SLC9A9: variants seen among roughly 807,000 people sequenced by gnomAD.
SLC9A9 encodes the protein sodium/hydrogen exchanger 9.
SLC9A9 carries 62 observed loss-of-function variants against 77.8 expected under a neutral mutation model. The ratio of observed to expected loss-of-function variants is 0.80; its 90% CI spans 0.65 to 0.98. SLC9A9 has a LOEUF of 0.98. Among genes scored for constraint, SLC9A9 ranks in the 50% least tolerant of loss-of-function variants. The pLI is 0.00. For synonymous variants in SLC9A9, 320 were observed against 283.5 expected (o/e 1.13, Z -1.29); for missense variants, 775 against 774.9 (o/e 1.00, Z 0.00).
intron 6 of SLC9A9, among the ~76,000 whole-genome samples, chr3:143,592,149 G>A (rs917102711): frequency 3.3e-5 from 5 of 152,212 alleles, no homozygotes; most frequent in African/African-American, 1.2e-4. Flanking sequence ...AGGAGGGAGT[G>A]TTCAAAAGCT....
At chr3:143,517,393 G>C (rs1334104015) in intron 9 of SLC9A9, 13 of 1,488,076 alleles carry the variant, frequency 8.7e-6, no homozygotes, top group Non-Finnish European at 1.2e-5. Context: ...CTGGAAAAGA[G>C]CCATACTGTG....
intron 14 of SLC9A9, among the ~76,000 whole-genome samples, chr3:143,305,108 A>G (rs2030720775): frequency 2.0e-5 from 3 of 152,310 alleles, no homozygotes; most frequent in South Asian, 2.1e-4. Context: ...CACAACTTCT[A>G]TATCAATATC....
chr3:143,483,246 G>A (rs76873055), intron 11 of SLC9A9, among the ~76,000 whole-genome samples: 2,226 of 152,302 alleles, frequency 0.015, 43 homozygotes, highest in East Asian at 0.12. Context: ...GAGAAATTCA[G>A]TGTGGACCCT....
intron 2 of SLC9A9, among the ~76,000 whole-genome samples, chr3:143,808,931 G>A (rs986372899): frequency 5.3e-5 from 8 of 152,252 alleles, no homozygotes; most frequent in South Asian, 2.1e-4. Flanking sequence ...AGCATTTGAA[G>A]AAACTGCCTA....
chr3:143,707,207 C>T (rs1274080033), intron 4 of SLC9A9, among the ~76,000 whole-genome samples: 1 of 152,098 alleles, frequency 6.6e-6, no homozygotes, highest in Admixed American at 6.6e-5. Flanking sequence ...CTGTAGTTCT[C>T]AGGACACTTA....
chr3:143,391,594 G>A (rs565511615), intron 12 of SLC9A9, among the ~76,000 whole-genome samples: 74 of 152,330 alleles, frequency 4.9e-4, no homozygotes, highest in African/African-American at 1.8e-3. Context: ...GAACAAAGCT[G>A]GATGGAAAAT....
chr3:143,793,194 A>G (rs2008272244), intron 4 of SLC9A9, among the ~76,000 whole-genome samples: 1 of 152,162 alleles, frequency 6.6e-6, no homozygotes, highest in African/African-American at 2.4e-5. Flanking sequence ...ACCCCAGTAA[A>G]TGAAAACCAC....
intron 14 of SLC9A9, among the ~76,000 whole-genome samples, chr3:143,331,243 G>A (rs35842913): frequency 0.22 from 34,116 of 152,116 alleles, 4,086 homozygotes; most frequent in Middle Eastern, 0.35. Context: ...ACACATGAGA[G>A]GGTTATGAGG....
chr3:143,425,810 C>T (rs2034394133), intron 12 of SLC9A9, among the ~76,000 whole-genome samples: 1 of 152,092 alleles, frequency 6.6e-6, no homozygotes, highest in Admixed American at 6.6e-5. Flanking sequence ...TACTTTAAAA[C>T]ATTTTAGAAG....
chr3:143,549,163 T>C (rs2036839154), intron 9 of SLC9A9, among the ~76,000 whole-genome samples: 1 of 152,224 alleles, frequency 6.6e-6, no homozygotes, highest in Non-Finnish European at 1.5e-5. Context: ...ACCTCTTTAG[T>C]ACATGCCTCA....
At chr3:143,491,818 A>G (rs1005039823) in intron 11 of SLC9A9, among the ~76,000 whole-genome samples, 1 of 152,220 alleles carries the variant, frequency 6.6e-6, no homozygotes, top group Non-Finnish European at 1.5e-5. Flanking sequence ...TATTCTCCAG[A>G]GTAAAGTTAC....
chr3:143,652,675 A>G (rs1253857840), intron 5 of SLC9A9, among the ~76,000 whole-genome samples: 5 of 151,812 alleles, frequency 3.3e-5, no homozygotes, highest in Non-Finnish European at 5.9e-5. Context: ...ATAATTTCCC[A>G]AACACACTGT....
At chr3:143,522,110 C>A (rs777334027) in intron 9 of SLC9A9, among the ~76,000 whole-genome samples, 1 of 152,092 alleles carries the variant, frequency 6.6e-6, no homozygotes, top group Admixed American at 6.6e-5. Context: ...TTGTGTCTCT[C>A]GACCTCATAG....
chr3:143,705,273 G>A (rs1933939772), intron 4 of SLC9A9, among the ~76,000 whole-genome samples: 4 of 151,980 alleles, frequency 2.6e-5, no homozygotes, highest in Admixed American at 2.6e-4. Context: ...TAGAAAGTAG[G>A]AAGATTGTTA....
intron 14 of SLC9A9, among the ~76,000 whole-genome samples, chr3:143,276,259 A>G (rs191830437): frequency 1.1e-3 from 168 of 152,338 alleles, no homozygotes; most frequent in Non-Finnish European, 1.8e-3. Flanking sequence ...GATGTTTTCA[A>G]AAACATTCCA....
intron 5 of SLC9A9, 103 bp downstream of exon 5, chr3:143,693,089 T>C: frequency 1.2e-6 from 1 of 860,732 alleles, no homozygotes; most frequent in Non-Finnish European, 1.8e-6. Flanking sequence ...TGAAGAAAAA[T>C]AGAAATTATT....
intron 11 of SLC9A9, among the ~76,000 whole-genome samples, chr3:143,481,508 C>A (rs942907932): frequency 6.6e-6 from 1 of 152,074 alleles, no homozygotes; most frequent in Admixed American, 6.6e-5. Context: ...AATGGAAGAA[C>A]AAGAGGCAAG....
At chr3:143,558,919 T>C (rs1008067426) in intron 8 of SLC9A9, among the ~76,000 whole-genome samples, 5 of 152,174 alleles carry the variant, frequency 3.3e-5, no homozygotes, top group African/African-American at 7.2e-5. Context: ...TCTTGACTTA[T>C]AGTTCCCATA....
At chr3:143,416,287 A>C (rs12629946) in intron 12 of SLC9A9, among the ~76,000 whole-genome samples, 28,040 of 152,148 alleles carry the variant, frequency 0.18, 3,207 homozygotes, top group Admixed American at 0.25. Context: ...GCAGGGTTTG[A>C]GAGGGCTCCA....
Sources: gnomAD v4.1 joint callset for allele counts (sites outside exome capture counted in the v4.1 genomes callset) on GRCh38, gnomAD v4.1.1 for gene constraint, MANE v1.5 for transcripts, NCBI Gene and HGNC (gene_info 2026-07-23, HGNC 2026-07-21) for gene names.